The following CLASP1 variants were observed in gnomAD, a reference collection of about 807,000 sequenced individuals.
The protein encoded by CLASP1 is CLIP-associating protein 1.
A neutral mutation model predicts 192.3 loss-of-function variants in CLASP1; 38 were observed. That is an observed-to-expected ratio of 0.20 (90% CI 0.15 to 0.26). The LOEUF is 0.26. CLASP1 is among the 10% of genes least tolerant of loss of function. The pLI is 1.00. For missense variants in CLASP1, 1,433 were observed against 1,932.5 expected (o/e 0.74, Z 4.85); for synonymous variants, 691 against 712.8 (o/e 0.97, Z 0.49).
intron 1 of CLASP1, among the ~76,000 whole-genome samples, chr2:121,632,070 T>A (rs2069791470): frequency 6.6e-6 from 1 of 151,468 alleles, no homozygotes; most frequent in Non-Finnish European, 1.5e-5. Context: ...TAAAATAAAA[T>A]AAATAAATAA....
chr2:121,613,034 G>C (rs1368857136), intron 1 of CLASP1, among the ~76,000 whole-genome samples: 1 of 152,234 alleles, frequency 6.6e-6, no homozygotes, highest in Non-Finnish European at 1.5e-5. Context: ...AAACAGTAGA[G>C]GAGGTGACAA....
intron 5 of CLASP1, among the ~76,000 whole-genome samples, chr2:121,526,672 A>G (rs958533242): frequency 1.3e-5 from 2 of 152,160 alleles, no homozygotes; most frequent in Admixed American, 6.5e-5. Context: ...TTATAATCTC[A>G]ATTTTGTTTT....
chr2:121,633,704 A>C (rs2070238088), intron 1 of CLASP1, among the ~76,000 whole-genome samples: 2 of 152,080 alleles, frequency 1.3e-5, no homozygotes, highest in Non-Finnish European at 2.9e-5. Context: ...GCTCTCTCAA[A>C]AATGGAAGAC....
rs1553615848 is a variant in CLASP1, at chr2:121,531,005, A to AAAATG, written c.196-685_196-681dup. On this transcript the variant is annotated intron_variant, in intron 2 of 39. Transcript: ENST00000263710. ...GCTTTATTTTGGTGCAATTTTTGGA[A>AAAATG]AAATGAAAACCTGTTTTCATAGACT... 4.6e-5 allele frequency: 32 copies of AAAATG among 700,228 alleles called. No individual in the cohort carries two copies. In the Admixed American group the frequency reaches 6.4e-4, roughly 14 times the overall value. The allele number at this position is 700,228 out of a possible 1,614,324, so 43.4% of individuals were successfully genotyped here. A position where few individuals can be genotyped will look rare whatever the true frequency, so the allele number is the denominator to read the frequency against.
chr2:121,423,360 T>A (rs879121845), intron 22 of CLASP1, among the ~76,000 whole-genome samples: 1 of 152,178 alleles, frequency 6.6e-6, no homozygotes, highest in Admixed American at 6.5e-5. Flanking sequence ...TAAAATATTG[T>A]CTTTTCAACT....
At chr2:121,622,258 A>G (rs2067488817) in intron 1 of CLASP1, among the ~76,000 whole-genome samples, 1 of 151,960 alleles carries the variant, frequency 6.6e-6, no homozygotes, top group Admixed American at 6.6e-5. Context: ...AGATCTTTCA[A>G]TGATGTTTTA....
At chr2:121,639,984 T>C (rs941405171) in intron 1 of CLASP1, among the ~76,000 whole-genome samples, 2 of 151,380 alleles carry the variant, frequency 1.3e-5, no homozygotes, top group African/African-American at 2.4e-5. Flanking sequence ...TGTCCAACAA[T>C]GATAGACTGG....
chr2:121,431,893 C>T (rs1184187992), intron 19 of CLASP1, among the ~76,000 whole-genome samples: 1 of 152,020 alleles, frequency 6.6e-6, no homozygotes, highest in African/African-American at 2.4e-5. Flanking sequence ...TGAAAAGTCA[C>T]TTATGTATCG....
chr2:121,481,000 A>G (rs551391919), intron 8 of CLASP1, among the ~76,000 whole-genome samples: 59 of 152,096 alleles, frequency 3.9e-4, no homozygotes, highest in African/African-American at 1.4e-3. Flanking sequence ...AGACCCACAC[A>G]CCCAGACTTC....
intron 10 of CLASP1, 116 bp from the exon 11 acceptor site, chr2:121,461,309 A>C: frequency 1.6e-6 from 1 of 619,072 alleles, no homozygotes; most frequent in Non-Finnish European, 2.8e-6. Flanking sequence ...TTTTTTAAGA[A>C]ATACCTATGA....
intron 39 of CLASP1, among the ~76,000 whole-genome samples, chr2:121,346,551 C>T (rs771955816): frequency 3.3e-5 from 5 of 152,188 alleles, no homozygotes; most frequent in African/African-American, 4.8e-5. Flanking sequence ...CCGTGGGGCA[C>T]GTTAAGGGGG....
At chr2:121,633,179 T>C (rs1338382151) in intron 1 of CLASP1, among the ~76,000 whole-genome samples, 4 of 151,972 alleles carry the variant, frequency 2.6e-5, no homozygotes, top group Non-Finnish European at 5.9e-5. Flanking sequence ...AAAAATTTCA[T>C]GCATTTAACT....
chr2:121,447,323 AGG>A lies in CLASP1; in HGVS notation c.1912+12_1912+13del. The stretch of plus-strand genomic sequence containing the variant: ...AGCAGTGCAGGAGGGAAAGGGTGAC[AGG>A]GGTGTGGTTACCTAAGGATGCGTAT... On this transcript the variant is annotated intron_variant, in intron 19 of 39. Transcript: ENST00000263710. The A allele has an allele frequency of 6.3e-7, 1 of 1,584,538 alleles. No homozygotes were observed. Among genetic ancestry groups the A allele is most frequent in the Non-Finnish European group, 8.6e-7 (1 of 1,165,430 alleles).
At chr2:121,532,238 A>T (rs1309286431) in intron 2 of CLASP1, 1 of 152,248 alleles carries the variant, frequency 6.6e-6, no homozygotes, top group African/African-American at 2.4e-5. Flanking sequence ...ATTGAAGAAA[A>T]TAATTTTTAA....
chr2:121,404,904 A>T (rs545038956), intron 25 of CLASP1, among the ~76,000 whole-genome samples: 1 of 152,326 alleles, frequency 6.6e-6, no homozygotes, highest in South Asian at 2.1e-4. Context: ...TTTAAAAAGC[A>T]TGTCTATCCT....
At chr2:121,382,287 G>C (rs1485786018) in exon 33 of CLASP1, 7 of 1,597,812 alleles carry the variant, frequency 4.4e-6, no homozygotes, top group Non-Finnish European at 4.3e-6. Context: ...GGAGGTGGGT[G>C]CTTCGCTAAC....
In CLASP1 at chr2:121,470,293, C is replaced by CTTTTTTTT. The variant is rs70954550; in HGVS notation, c.713-341_713-334dup. On this transcript the variant is annotated intron_variant, in intron 8 of 39. Coordinates refer to ENST00000263710, the Ensembl canonical transcript of CLASP1. ...TCTGCAACATTTCTGACCATCCATG[C>CTTTTTTTT]TTTTTTTTTTTTTTTTTTTTTTTTT... 6.8e-4 allele frequency: 209 copies of CTTTTTTTT among 309,026 alleles called. 8 individuals carry two copies. Among genetic ancestry groups the CTTTTTTTT allele is most frequent in the Middle Eastern group, 1.3e-3 (1 of 762 alleles). 19.1% of individuals were successfully genotyped at this position (309,026 alleles called of 1,614,324 possible).
chr2:121,348,613 T>C (rs1421220895), exon 38 of CLASP1: 2 of 1,613,790 alleles, frequency 1.2e-6, no homozygotes, highest in East Asian at 2.2e-5. Flanking sequence ...GCAAGGTTGA[T>C]GGGGTAGTCG....
intron 22 of CLASP1, 98 bp from the exon 23 acceptor site, chr2:121,418,827 G>T: frequency 1.2e-6 from 1 of 864,060 alleles, no homozygotes; most frequent in Non-Finnish European, 1.9e-6. Context: ...ATGTAATTAC[G>T]ACATTGTTCG....
Sources: gnomAD v4.1 joint callset for allele counts (sites outside exome capture counted in the v4.1 genomes callset) on GRCh38, gnomAD v4.1.1 for gene constraint, MANE v1.5 for transcripts, NCBI Gene and HGNC (gene_info 2026-07-23, HGNC 2026-07-21) for gene names.